The following BTD variants were observed in gnomAD, a reference collection of about 807,000 sequenced individuals.
The protein encoded by BTD is biotinidase.
Under a neutral mutation model 17.7 loss-of-function variants are expected in BTD, and 13 were observed. The ratio of observed to expected loss-of-function variants is 0.74; its 90% CI spans 0.48 to 1.17. The LOEUF (loss-of-function observed/expected upper bound fraction) is 1.17. BTD is among the 50% of genes most tolerant of loss of function. The pLI, the probability that BTD is intolerant of heterozygous loss-of-function variation, is 0.00. For missense variants in BTD, 674 were observed against 650.4 expected, an observed-to-expected ratio of 1.04 and a Z score of -0.39; for synonymous variants, 240 against 245.2, an observed-to-expected ratio of 0.98 and a Z score of 0.20.
At chr3:15,628,551 T>G (rs1053661983) in intron 1 of BTD, among the ~76,000 whole-genome samples, 1 of 152,220 alleles carries the variant, frequency 6.6e-6, no homozygotes, top group Non-Finnish European at 1.5e-5. Flanking sequence ...TCCCAAAGGC[T>G]TTTAAAAGCA....
At chr3:15,703,498 T>C (rs950463045) in intron 3 of BTD, among the ~76,000 whole-genome samples, 3 of 152,172 alleles carry the variant, frequency 2.0e-5, no homozygotes, top group African/African-American at 7.2e-5. Flanking sequence ...CCAAAAGAGC[T>C]CTCATTCCTT....
At chr3:15,639,528 C>T (rs1008496614) in intron 2 of BTD, among the ~76,000 whole-genome samples, 3 of 152,046 alleles carry the variant, frequency 2.0e-5, no homozygotes, top group Admixed American at 2.0e-4. Context: ...GGGTAATGTC[C>T]TATAGGGCAA....
chr3:15,660,119 G>A (rs1488508403), intron 3 of BTD, among the ~76,000 whole-genome samples: 1 of 152,228 alleles, frequency 6.6e-6, no homozygotes, highest in Non-Finnish European at 1.5e-5. Context: ...CATGAGGGAG[G>A]TACTATGGTC....
intron 2 of BTD, among the ~76,000 whole-genome samples, chr3:15,641,098 C>T (rs2065490620): frequency 6.6e-6 from 1 of 152,142 alleles, no homozygotes; most frequent in Admixed American, 6.5e-5. Flanking sequence ...CTGAGGGCGG[C>T]CCTGTTTGTA....
intron 3 of BTD, chr3:15,667,189 C>T (rs2066021833): frequency 6.6e-6 from 1 of 152,142 alleles, no homozygotes; most frequent in South Asian, 2.1e-4. Context: ...CAATGCTAGA[C>T]AGTTTAAGGG....
intron 1 of BTD, among the ~76,000 whole-genome samples, chr3:15,622,567 T>A (rs1343143681): frequency 6.6e-6 from 1 of 152,198 alleles, no homozygotes; most frequent in African/African-American, 2.4e-5. Context: ...TTGTATACAG[T>A]TGATTGATGG....
At chr3:15,625,387 G>T (rs868730607) in intron 1 of BTD, among the ~76,000 whole-genome samples, 1 of 152,098 alleles carries the variant, frequency 6.6e-6, no homozygotes, top group African/African-American at 2.4e-5. Flanking sequence ...AGAATGCTTT[G>T]TTTCCTTTCC....
intron 3 of BTD, chr3:15,676,670 TAC>T (rs1292987158): frequency 4.3e-6 from 1 of 232,136 alleles, no homozygotes; most frequent in Non-Finnish European, 8.5e-6. Context: ...AACATATTAT[TAC>T]AGTTGATTTC....
chr3:15,657,297 G>T (rs1421276553), downstream of BTD, among the ~76,000 whole-genome samples: 1 of 152,224 alleles, frequency 6.6e-6, no homozygotes, highest in Non-Finnish European at 1.5e-5. Context: ...GAGTGTAAAA[G>T]AATTTGTGGC....
chr3:15,664,272 C>T (rs2065955644), intron 3 of BTD, among the ~76,000 whole-genome samples: 4 of 152,146 alleles, frequency 2.6e-5, no homozygotes, highest in African/African-American at 7.2e-5. Context: ...GCAGTTCTAC[C>T]GGTTTTTGCC....
chr3:15,620,641 G>T (rs562527497), intron 1 of BTD, among the ~76,000 whole-genome samples: 5 of 152,182 alleles, frequency 3.3e-5, no homozygotes, highest in African/African-American at 9.7e-5. Context: ...TTCAGCCTAC[G>T]AAGATAACAG....
intron 1 of BTD, among the ~76,000 whole-genome samples, chr3:15,629,402 T>G (rs956613995): frequency 4.6e-5 from 7 of 152,178 alleles, no homozygotes; most frequent in African/African-American, 1.4e-4. Context: ...TTCAGGTGAC[T>G]CTGATGGCGT....
chr3:15,657,934 G>A (rs1476675708), downstream of BTD, among the ~76,000 whole-genome samples: 7 of 152,142 alleles, frequency 4.6e-5, no homozygotes, highest in Admixed American at 2.0e-4. Context: ...TTGGGAGGCC[G>A]AGGTGGGCGG....
At chr3:15,687,977 G>A (rs1407414154) in intron 3 of BTD, among the ~76,000 whole-genome samples, 10 of 152,146 alleles carry the variant, frequency 6.6e-5, no homozygotes, top group Admixed American at 6.5e-4. Context: ...GCTTATAGAT[G>A]CTCTCTATAG....
At chr3:15,674,413 A>G (rs150056187) in intron 3 of BTD, among the ~76,000 whole-genome samples, 123 of 152,120 alleles carry the variant, frequency 8.1e-4, no homozygotes, top group African/African-American at 2.7e-3. Flanking sequence ...AAGAATGAGA[A>G]TTGTCTTCAA....
chr3:15,651,008 T>G lies in BTD; in HGVS notation c.*5520T>G, dbSNP rs541039907. On this transcript the variant is annotated 3_prime_UTR_variant, in exon 4 of 4. Coordinates refer to ENST00000643237, the MANE Select transcript of BTD (RefSeq NM_001370658.1). ...TGGCCTCGATCTCCTGACCTCATGA[T>G]CTGCCTGCCTCAGCCTCCCAAAGTG... is the stretch of plus-strand genomic sequence containing the variant. 1.3e-5 allele frequency among the ~76,000 whole-genome samples: 2 copies of G among 152,348 alleles called. No homozygotes were observed. The highest frequency in any genetic ancestry group is 1.3e-4 in the Admixed American group (2 of 15,310).
At position 15,648,532 on chromosome 3, in the gene BTD, G is replaced by A. The variant is rs114757933; in HGVS notation, c.*3044G>A. Among the ~76,000 whole-genome samples the A allele has an allele frequency of 6.4e-4, 97 of 152,338 alleles. 1 individual carries two copies. The highest frequency in any genetic ancestry group is 9.4e-4 in the Non-Finnish European group (64 of 68,036). On this transcript the variant is annotated 3_prime_UTR_variant, in exon 4 of 4. Coordinates refer to ENST00000643237, the MANE Select transcript of BTD (RefSeq NM_001370658.1). Reference sequence around the variant, plus strand: ...GGACATTGTTAGTTCACCCAGTTCTGTGGGGCAGGAAAGCGGGTCTCTCAT... The same window carrying A: ...GGACATTGTTAGTTCACCCAGTTCTATGGGGCAGGAAAGCGGGTCTCTCAT...
intron 1 of BTD, among the ~76,000 whole-genome samples, chr3:15,607,832 A>G (rs780048351): frequency 1.2e-4 from 19 of 152,258 alleles, no homozygotes; most frequent in Non-Finnish European, 2.5e-4. Flanking sequence ...ATAGCAATGC[A>G]AAAACTGTAC....
At chr3:15,721,059 TACA>T in intron 4 of BTD, 1 of 1,613,914 alleles carries the variant, frequency 6.2e-7, no homozygotes, top group Non-Finnish European at 8.5e-7. Flanking sequence ...GTTCATTCAC[TACA>T]ACATCTTGTC....
Sources: gnomAD v4.1 joint callset for allele counts (sites outside exome capture counted in the v4.1 genomes callset) on GRCh38, gnomAD v4.1.1 for gene constraint, MANE v1.5 for transcripts, NCBI Gene and HGNC (gene_info 2026-07-23, HGNC 2026-07-21) for gene names.